IRAG2: variants seen among roughly 807,000 people sequenced by gnomAD.
IRAG2 encodes inositol 1,4,5-triphosphate receptor associated 2.
Under a neutral mutation model 69.9 loss-of-function variants are expected in IRAG2, and 45 were observed. The ratio of observed to expected loss-of-function variants is 0.64; its 90% confidence interval spans 0.51 to 0.83. The LOEUF is 0.83. Among genes scored for constraint, IRAG2 ranks in the 40% least tolerant of loss-of-function variants. IRAG2 has a pLI of 0.00. For synonymous variants in IRAG2, 193 were observed against 202.4 expected, an observed-to-expected ratio of 0.95 and a Z score of 0.40; for missense variants, 520 against 587.0, an observed-to-expected ratio of 0.89 and a Z score of 1.18.
At position 25,016,195 on chromosome 12, in the gene IRAG2, C is replaced by CAA. The variant is rs35079588; in HGVS notation, c.1055+778_1055+779dup. Among the ~76,000 whole-genome samples, 249 of 142,186 alleles carry CAA rather than the reference C, an allele frequency of 1.8e-3. 3 individuals carry two copies. The highest frequency in any genetic ancestry group is 2.1e-3 in the Non-Finnish European group (138 of 65,424). The allele number at this position is 142,186 out of a possible 152,430, so 93.3% of individuals were successfully genotyped here. ...TGGGCGACAGAGCGAGACTCCATCT[C>CAA]AAAAAAAAAAAAGAAAAGTGGAGTG... On this transcript the variant is annotated intron_variant, in intron 5 of 38. Coordinates refer to the IRAG2 transcript ENST00000636465.
intron 12 of IRAG2, among the ~76,000 whole-genome samples, chr12:25,032,772 C>T (rs759832602): frequency 2.6e-5 from 4 of 152,150 alleles, no homozygotes; most frequent in Non-Finnish European, 4.4e-5. Context: ...GGACACTAAT[C>T]CCATTCATGA....
At chr12:25,077,266 A>AATATATATATGAAATATATATGGT (rs57883311) in intron 6 of IRAG2, among the ~76,000 whole-genome samples, 1 of 32,866 alleles carries the variant, frequency 3.0e-5, no homozygotes. Flanking sequence ...ATATATATGA[A>AATATATATATGAAATATATATGGT]ATATATATGA....
intron 7 of IRAG2, chr12:25,020,928 C>A: frequency 1.7e-6 from 2 of 1,164,090 alleles, no homozygotes; most frequent in Non-Finnish European, 2.2e-6. Context: ...TATTATAGTA[C>A]TTTGAATTTG....
chr12:25,076,409 T>TA (rs1267597052), intron 6 of IRAG2: 11 of 979,582 alleles, frequency 1.1e-5, no homozygotes, highest in Non-Finnish European at 1.2e-5. Flanking sequence ...AAGAAGGCCT[T>TA]ACACAGAGCA....
intron 6 of IRAG2, among the ~76,000 whole-genome samples, chr12:25,020,266 A>G (rs1159808900): frequency 6.6e-6 from 1 of 152,154 alleles, no homozygotes; most frequent in Non-Finnish European, 1.5e-5. Context: ...CTTTGTTATA[A>G]TCAACAGTAT....
At chr12:25,049,443 T>A (rs985441457), upstream of IRAG2, among the ~76,000 whole-genome samples, 2 of 152,294 alleles carry the variant, frequency 1.3e-5, no homozygotes, top group South Asian at 2.1e-4. Context: ...GTAGTTCTCC[T>A]TGAAGAGGTC....
chr12:25,063,007 T>C, intron 3 of IRAG2, 107 bp downstream of exon 3: 1 of 396,626 alleles, frequency 2.5e-6, no homozygotes, highest in Non-Finnish European at 4.4e-6. Context: ...GAACTGCATA[T>C]ATTGCTTTTA....
chr12:25,040,214 T>C (rs1259240329), intron 16 of IRAG2, among the ~76,000 whole-genome samples: 1 of 152,202 alleles, frequency 6.6e-6, no homozygotes, highest in Non-Finnish European at 1.5e-5. Flanking sequence ...ATTTTAGCTA[T>C]GAATAAGTAA....
intron 6 of IRAG2, among the ~76,000 whole-genome samples, chr12:25,070,425 T>A (rs1946266622): frequency 6.6e-6 from 1 of 152,218 alleles, no homozygotes; most frequent in African/African-American, 2.4e-5. Context: ...GTTCTCAGCA[T>A]AAGGTTCTCA....
intron 14 of IRAG2, among the ~76,000 whole-genome samples, chr12:25,094,425 C>T (rs10771165): frequency 0.34 from 51,760 of 151,804 alleles, 9,483 homozygotes; most frequent in African/African-American, 0.46. Flanking sequence ...AATTCTATTC[C>T]ATTGGTCTAT....
the IRAG2 span, among the ~76,000 whole-genome samples, chr12:24,999,093 A>G: frequency 3.9e-5 from 6 of 152,344 alleles, no homozygotes; most frequent in African/African-American, 1.4e-4. Flanking sequence ...ATAAACACAA[A>G]TTATGTCATG....
chr12:25,016,998 A>G, intron 5 of IRAG2: 1 of 490,840 alleles, frequency 2.0e-6, no homozygotes, highest in Admixed American at 4.4e-5. Flanking sequence ...TATGTTTATG[A>G]TGACAGATGA....
At chr12:25,064,815 T>C in intron 4 of IRAG2, among the ~76,000 whole-genome samples, 1 of 152,122 alleles carries the variant, frequency 6.6e-6, no homozygotes, top group East Asian at 1.9e-4. Flanking sequence ...GCTGGCCAGG[T>C]GCAGTGGCTC....
At chr12:25,011,598 A>G (rs1460356325) in intron 3 of IRAG2, 6 of 1,127,296 alleles carry the variant, frequency 5.3e-6, no homozygotes, top group Non-Finnish European at 5.6e-6. Flanking sequence ...TATTTTAACA[A>G]CTGATTATAA....
chr12:25,072,339 G>C (rs1946395882), intron 6 of IRAG2, among the ~76,000 whole-genome samples: 2 of 152,166 alleles, frequency 1.3e-5, no homozygotes, highest in South Asian at 4.1e-4. Flanking sequence ...AACAGCCCAG[G>C]AATTAGTCTG....
At chr12:25,033,296 C>T (rs1944682384) in intron 12 of IRAG2, among the ~76,000 whole-genome samples, 1 of 152,146 alleles carries the variant, frequency 6.6e-6, no homozygotes, top group African/African-American at 2.4e-5. Flanking sequence ...CTTGTTCTCA[C>T]CTCTTTCCTA....
chr12:25,047,149 T>A (rs933827112), intron 16 of IRAG2, among the ~76,000 whole-genome samples: 35 of 152,194 alleles, frequency 2.3e-4, no homozygotes, highest in African/African-American at 8.2e-4. Flanking sequence ...AATTGGACTC[T>A]TATACCATAA....
At chr12:25,097,875 T>C (rs564033558) in intron 15 of IRAG2, among the ~76,000 whole-genome samples, 15 of 152,382 alleles carry the variant, frequency 9.8e-5, no homozygotes, top group African/African-American at 3.1e-4. Context: ...TTATTTGTTT[T>C]GTATTTGCAT....
At chr12:25,062,202 G>T (rs952382123) in intron 2 of IRAG2, among the ~76,000 whole-genome samples, 4 of 152,166 alleles carry the variant, frequency 2.6e-5, no homozygotes, top group Admixed American at 6.5e-5. Context: ...AGGCAGCAAG[G>T]TTGGCACTGG....
Sources: gnomAD v4.1 joint callset for allele counts (sites outside exome capture counted in the v4.1 genomes callset) on GRCh38, gnomAD v4.1.1 for gene constraint, MANE v1.5 for transcripts, NCBI Gene and HGNC (gene_info 2026-07-23, HGNC 2026-07-21) for gene names.